The following PRDM5 variants were observed in gnomAD, a reference collection of about 807,000 sequenced individuals.
The protein encoded by PRDM5 is PR domain zinc finger protein 5.
A neutral mutation model predicts 81.2 loss-of-function variants in PRDM5; 56 were observed. That is an observed-to-expected ratio of 0.69 (90% confidence interval 0.56 to 0.86). The LOEUF (loss-of-function observed/expected upper bound fraction) is 0.86. Among genes scored for constraint, PRDM5 ranks in the 40% least tolerant of loss-of-function variants. The pLI is 0.00. For missense variants in PRDM5, 697 were observed against 770.1 expected, an observed-to-expected ratio of 0.91 and a Z score of 1.12; for synonymous variants, 267 against 256.4, an observed-to-expected ratio of 1.04 and a Z score of -0.39.
At chr4:120,832,051 T>A (rs1756784194) in intron 3 of PRDM5, among the ~76,000 whole-genome samples, 2 of 152,104 alleles carry the variant, frequency 1.3e-5, no homozygotes, top group Non-Finnish European at 2.9e-5. Flanking sequence ...TTTAGCTGAA[T>A]CCCCAACTGG....
At chr4:120,741,435 G>A (rs376067590) in intron 14 of PRDM5, among the ~76,000 whole-genome samples, 87 of 151,846 alleles carry the variant, frequency 5.7e-4, no homozygotes, top group African/African-American at 2.1e-3. Flanking sequence ...CAAGATGGCC[G>A]AATAGGAACA....
chr4:120,706,710 T>TAAAAAACTGG (rs1170331099), intron 15 of PRDM5, among the ~76,000 whole-genome samples: 2 of 17,706 alleles, frequency 1.1e-4, no homozygotes, highest in African/African-American at 3.9e-4. Context: ...CAAAACTGGT[T>TAAAAAACTGG]TTATATATAT....
Position 120,798,337 on chromosome 4 carries a change from T to TAAG in PRDM5, c.1117_1118insCTT (p.Asp373delinsAlaTyr). 1 of 1,613,408 alleles carries TAAG rather than the reference T, an allele frequency of 6.2e-7. No homozygotes were observed. The highest frequency in any genetic ancestry group is 2.2e-5 in the East Asian group (1 of 44,850). On this transcript the variant is annotated protein_altering_variant, in exon 10 of 16. Coordinates refer to ENST00000264808, the MANE Select transcript of PRDM5 (RefSeq NM_018699.4). The stretch of plus-strand genomic sequence containing the variant: ...ACAAAGTTTGCATTTGTAAGGTTTG[T>TAAG]CTTCGCTGTGTATTACTTTGTGAGC...
chr4:120,718,313 C>A (rs1738096681), intron 14 of PRDM5, among the ~76,000 whole-genome samples: 1 of 152,152 alleles, frequency 6.6e-6, no homozygotes, highest in Admixed American at 6.5e-5. Flanking sequence ...CTCACACACA[C>A]AGAAAGACAT....
chr4:120,691,435 A>AT (rs1734044184), downstream of PRDM5, among the ~76,000 whole-genome samples: 1 of 152,126 alleles, frequency 6.6e-6, no homozygotes, highest in Non-Finnish European at 1.5e-5. Context: ...TCAGATGATT[A>AT]TTTTTTGTAT....
intron 12 of PRDM5, among the ~76,000 whole-genome samples, chr4:120,777,668 T>C (rs759172204): frequency 4.6e-5 from 7 of 152,170 alleles, no homozygotes; most frequent in Admixed American, 2.6e-4. Context: ...TTTGTGTATA[T>C]TTAACTCTTG....
At chr4:120,900,475 A>T (rs1364177133) in intron 2 of PRDM5, among the ~76,000 whole-genome samples, 2 of 152,140 alleles carry the variant, frequency 1.3e-5, no homozygotes, top group African/African-American at 2.4e-5. Flanking sequence ...TAAAGTAGAT[A>T]TTTTATCTTC....
intron 14 of PRDM5, among the ~76,000 whole-genome samples, chr4:120,737,629 T>C (rs1000396036): frequency 6.6e-6 from 1 of 152,154 alleles, no homozygotes; most frequent in Non-Finnish European, 1.5e-5. Flanking sequence ...ATCACAAACA[T>C]CTGATGAATG....
At chr4:120,745,838 G>T (rs1467570567) in intron 14 of PRDM5, among the ~76,000 whole-genome samples, 1 of 146,776 alleles carries the variant, frequency 6.8e-6, no homozygotes, top group African/African-American at 2.6e-5. Context: ...AATCAATATC[G>T]TGAAAATGGC....
intron 2 of PRDM5, among the ~76,000 whole-genome samples, chr4:120,899,797 A>G (rs1053309910): frequency 6.6e-6 from 1 of 152,202 alleles, no homozygotes; most frequent in African/African-American, 2.4e-5. Context: ...GTCCTGCACC[A>G]GGCAGTGGCA....
rs1052877248 is a variant in PRDM5, at chr4:120,870,105, C to T, written c.178-16565G>A. Among the ~76,000 whole-genome samples, 9 of 151,256 alleles carry T rather than the reference C, an allele frequency of 6.0e-5. 1 individual carries two copies. The South Asian group carries it at 6.3e-4, about 11-fold the overall frequency. ...AGGGGAGAAACAGCGAGATAAAGGA[C>T]GAGGAAGGAAGGGAAGACGGAGGAG... On this transcript the variant is annotated intron_variant, in intron 2 of 15. Coordinates refer to ENST00000264808, the MANE Select transcript of PRDM5 (RefSeq NM_018699.4).
In PRDM5 at chr4:120,770,464, CTTT is replaced by C. The variant is rs10610024; in HGVS notation, c.1537+6721_1537+6723del. Among the ~76,000 whole-genome samples the C allele has an allele frequency of 1.1e-3, 155 of 146,696 alleles. 1 individual carries two copies. Among genetic ancestry groups the C allele is most frequent in the African/African-American group, 1.6e-3 (63 of 39,748 alleles). ...AATTTGCTTTCTCCTTCTCATTTCT[CTTT>C]TTTTTTTTTTTAATGGGAGAAAAGG... is the stretch of plus-strand genomic sequence containing the variant. On this transcript the variant is annotated intron_variant, in intron 13 of 15. Transcript: ENST00000264808.
Position 120,729,320 on chromosome 4 carries a change from A to G in PRDM5, c.1624-18907T>C, listed in dbSNP as rs180976345. On this transcript the variant is annotated intron_variant, in intron 14 of 15. Coordinates refer to ENST00000264808, the MANE Select transcript of PRDM5 (RefSeq NM_018699.4). ...TTAATGAATGACCTTTACCCTTAAG[A>G]CTCTATTTCCTTCATGATTTTAAGA... Among the ~76,000 whole-genome samples the G allele has an allele frequency of 3.3e-3, 498 of 152,214 alleles. 2 individuals carry two copies. The highest frequency in any genetic ancestry group is 5.7e-3 in the Non-Finnish European group (391 of 68,014).
chr4:120,795,840 G>C (rs993750037), intron 10 of PRDM5, among the ~76,000 whole-genome samples: 1 of 152,178 alleles, frequency 6.6e-6, no homozygotes, highest in Non-Finnish European at 1.5e-5. Flanking sequence ...TTGAACCTGG[G>C]AGGCAGAGAT....
intron 15 of PRDM5, among the ~76,000 whole-genome samples, chr4:120,705,536 T>C (rs895393720): frequency 6.6e-6 from 1 of 151,948 alleles, no homozygotes; most frequent in Middle Eastern, 3.4e-3. Context: ...GTTCAATGTG[T>C]CCAAAAAAGA....
chr4:120,767,921 C>A (rs1746623560), intron 13 of PRDM5, among the ~76,000 whole-genome samples: 1 of 152,174 alleles, frequency 6.6e-6, no homozygotes, highest in Admixed American at 6.5e-5. Context: ...CTGTTGCCTG[C>A]CGCCATGTAA....
chr4:120,685,444 TCAAAAATATTCC>T (rs1485333740), intron 1 of PRDM5, among the ~76,000 whole-genome samples: 1 of 152,116 alleles, frequency 6.6e-6, no homozygotes, highest in African/African-American at 2.4e-5. Flanking sequence ...TTAAGGACTT[TCAAAAATATTCC>T]CAAATGAAAT....
At chr4:120,768,392 G>A (rs560741241) in intron 13 of PRDM5, among the ~76,000 whole-genome samples, 33 of 152,186 alleles carry the variant, frequency 2.2e-4, no homozygotes, top group African/African-American at 7.0e-4. Flanking sequence ...TTCAATGGCC[G>A]TGAAAGGATT....
intron 8 of PRDM5, among the ~76,000 whole-genome samples, chr4:120,804,943 T>C (rs566839741): frequency 2.6e-5 from 4 of 151,864 alleles, no homozygotes; most frequent in Non-Finnish European, 5.9e-5. Flanking sequence ...ACAAAATTAA[T>C]AGACCGCTAG....
Sources: gnomAD v4.1 joint callset for allele counts (sites outside exome capture counted in the v4.1 genomes callset) on GRCh38, gnomAD v4.1.1 for gene constraint, MANE v1.5 for transcripts, NCBI Gene and HGNC (gene_info 2026-07-23, HGNC 2026-07-21) for gene names.